The following DGKD variants were observed in gnomAD, a reference collection of about 807,000 sequenced individuals.
DGKD encodes diacylglycerol kinase delta, also known as DAG kinase delta.
In DGKD, 68 loss-of-function variants were observed where a neutral mutation model predicts 154.4. The ratio of observed to expected loss-of-function variants is 0.44; its 90% CI spans 0.36 to 0.54. The LOEUF is 0.54. DGKD is among the 20% of genes least tolerant of loss of function. The pLI is 0.00. For missense variants in DGKD, 1,343 were observed against 1,593.6 expected (o/e 0.84, Z 2.68); for synonymous variants, 693 against 638.0 (o/e 1.09, Z -1.30).
chr2:233,406,797 C>G (rs1188026625), intron 3 of DGKD, among the ~76,000 whole-genome samples: 1 of 152,196 alleles, frequency 6.6e-6, no homozygotes, highest in African/African-American at 2.4e-5. Flanking sequence ...CATGGCACTT[C>G]TGCGGACATC....
chr2:233,463,392 A>ACATCTCCTCACTCCAGG (rs2063719226), intron 26 of DGKD, among the ~76,000 whole-genome samples: 1 of 69,914 alleles, frequency 1.4e-5, no homozygotes, highest in Non-Finnish European at 2.9e-5. Flanking sequence ...CTCACTCCAC[A>ACATCTCCTCACTCCAGG]CATCTCCTCA....
At chr2:233,405,693 C>T (rs935471332) in intron 3 of DGKD, among the ~76,000 whole-genome samples, 9 of 152,126 alleles carry the variant, frequency 5.9e-5, no homozygotes, top group Admixed American at 1.3e-4. Flanking sequence ...CACCAGATGC[C>T]GCACCATGCT....
chr2:233,396,187 C>A (rs1704015444), intron 3 of DGKD, among the ~76,000 whole-genome samples: 1 of 152,172 alleles, frequency 6.6e-6, no homozygotes, highest in Non-Finnish European at 1.5e-5. Context: ...CTCGGAGACT[C>A]AGAGTTGCCT....
chr2:233,462,622 T>C lies in DGKD; in HGVS notation c.3094-21T>C, dbSNP rs1448354077. 2.5e-6 allele frequency: 4 copies of C among 1,609,748 alleles called. No individual in the cohort carries two copies. The Admixed American group carries it at 6.7e-5, about 27-fold the overall frequency. ...ATGTTCGGCCCCCCGCCCCCATGCA[T>C]ATTTGCCTGGTTTCTTCTAGGGGCT... On this transcript the variant is annotated intron_variant, in intron 25 of 29. Coordinates refer to ENST00000264057, the MANE Select transcript of DGKD (RefSeq NM_152879.3).
intron 23 of DGKD, 117 bp from the exon 24 acceptor site, chr2:233,460,077 A>G: frequency 6.7e-7 from 1 of 1,497,070 alleles, no homozygotes; most frequent in South Asian, 1.4e-5. Flanking sequence ...GTTAAAAAAA[A>G]AAAAAAGTCC....
intron 28 of DGKD, among the ~76,000 whole-genome samples, chr2:233,467,946 T>C (rs111588882): frequency 1.3e-5 from 2 of 152,190 alleles, no homozygotes; most frequent in African/African-American, 4.8e-5. Flanking sequence ...AAGTGAAATT[T>C]AACCCTTCTA....
Position 233,457,139 on chromosome 2 carries a change from C to T in DGKD, c.2473-82C>T. Reference sequence around the variant, plus strand: ...CTGGCCACGGCTGTGCTCCTGAGCCCCTGGCGGTGGGAAGCTGGTAGAGAA... The same window carrying T: ...CTGGCCACGGCTGTGCTCCTGAGCCTCTGGCGGTGGGAAGCTGGTAGAGAA... On this transcript the variant is annotated intron_variant, in intron 20 of 29. Transcript: ENST00000264057. The surrounding 1 kb of genome is among the most constrained non-coding windows in gnomAD (Gnocchi z 5.5). 1.5e-6 allele frequency: 2 copies of T among 1,341,208 alleles called. No individual in the cohort carries two copies. The highest frequency in any genetic ancestry group is 1.3e-5 in the South Asian group (1 of 74,122). The allele number at this position is 1,341,208 out of a possible 1,614,324, so 83.1% of individuals were successfully genotyped here. A position where few individuals can be genotyped will look rare whatever the true frequency, so the allele number is the denominator to read the frequency against.
intron 3 of DGKD, among the ~76,000 whole-genome samples, chr2:233,391,768 A>G (rs1414404259): frequency 6.6e-6 from 1 of 152,076 alleles, no homozygotes; most frequent in Non-Finnish European, 1.5e-5. Context: ...TATTTTATTT[A>G]TTGATGGATT....
intron 3 of DGKD, among the ~76,000 whole-genome samples, chr2:233,397,099 G>A (rs1176924358): frequency 2.1e-5 from 3 of 142,090 alleles, no homozygotes; most frequent in Non-Finnish European, 3.1e-5. Flanking sequence ...CACCAGAGGG[G>A]AGCAGGGTGG....
intron 1 of DGKD, among the ~76,000 whole-genome samples, chr2:233,365,653 G>A (rs753611244): frequency 6.6e-6 from 1 of 152,156 alleles, no homozygotes; most frequent in Admixed American, 6.5e-5. Flanking sequence ...TTCACTATAT[G>A]CTGGCCATAA....
Position 233,438,810 on chromosome 2 carries a change from CTA to C in DGKD, c.1085+433_1085+434del, listed in dbSNP as rs1387884318. Among the ~76,000 whole-genome samples, 7 of 139,300 alleles carry C rather than the reference CTA, an allele frequency of 5.0e-5. No homozygotes were observed. In the East Asian group the frequency reaches 1.5e-3, roughly 29 times the overall value. 91.4% of individuals were successfully genotyped at this position (139,300 alleles called of 152,430 possible). A position where few individuals can be genotyped will look rare whatever the true frequency, so the allele number is the denominator to read the frequency against. On this transcript the variant is annotated intron_variant, in intron 9 of 29. Transcript: ENST00000264057. The surrounding 1 kb of genome is among the most constrained non-coding windows in gnomAD (Gnocchi z 4.1). ...TCTATCTATCTATCTATCTATCTAT[CTA>C]TCTGTGGGTGTATTTTCCTGGCGTG...
At chr2:233,382,107 G>A (rs1292930241) in intron 1 of DGKD, among the ~76,000 whole-genome samples, 7 of 152,218 alleles carry the variant, frequency 4.6e-5, no homozygotes, top group Admixed American at 1.3e-4. Flanking sequence ...TGTAGTGCGC[G>A]CCTGTAATCC....
chr2:233,419,000 A>C (rs762534876), intron 3 of DGKD, among the ~76,000 whole-genome samples: 1 of 152,088 alleles, frequency 6.6e-6, no homozygotes, highest in Non-Finnish European at 1.5e-5. Context: ...TTGTCTACGC[A>C]CATCCCAGCT....
At chr2:233,375,707 T>G (rs1702537619) in intron 1 of DGKD, among the ~76,000 whole-genome samples, 1 of 152,120 alleles carries the variant, frequency 6.6e-6, no homozygotes. Context: ...GCGCCCTGTC[T>G]GCACCCCTCT....
Position 233,354,570 on chromosome 2 carries a change from C to T in DGKD, c.52C>T (p.Pro18Ser). ...PPPGPPQPPP[P>S]PPPEESSDSE... ...GCCGGGTCCCCCGCAACCGCCTCCG[C>T]CGCCGCCGCCCGAGGAGTCGTCCGA... Residue 18 changes from proline to serine, a missense_variant, in exon 1 of 30, where the codon CCG (proline) becomes TCG (serine). By Grantham distance (74) the Pro-to-Ser change is moderately conservative. Transcript: ENST00000264057. The surrounding 1 kb of genome is among the most constrained non-coding windows in gnomAD (Gnocchi z 4.8). The T allele has an allele frequency of 9.3e-7, 1 of 1,072,056 alleles. No homozygotes were observed. Among genetic ancestry groups the T allele is most frequent in the Non-Finnish European group, 1.1e-6 (1 of 876,006 alleles). 66.4% of individuals were successfully genotyped at this position (1,072,056 alleles called of 1,614,324 possible).
chr2:233,454,123 G>A lies in DGKD; in HGVS notation c.2265-640G>A, dbSNP rs148147105. On this transcript the variant is annotated intron_variant, in intron 18 of 29. Coordinates refer to ENST00000264057, the MANE Select transcript of DGKD (RefSeq NM_152879.3). ...GCCCAGAGCTGCTGTGTGACCAGCA[G>A]GCGCAGAACTGCCGGGCCATGTGGG... 7.9e-3 allele frequency among the ~76,000 whole-genome samples: 1,211 copies of A among 152,356 alleles called. 7 individuals are homozygous for A. The highest frequency in any genetic ancestry group is 0.011 in the Non-Finnish European group (756 of 68,038).
In DGKD at chr2:233,460,294, A is replaced by C. The variant is rs201690150; in HGVS notation, c.2930A>C (p.Glu977Ala). 16 of 1,613,892 alleles carry C rather than the reference A, an allele frequency of 9.9e-6. No individual in the cohort carries two copies. The East Asian group carries it at 1.3e-4, about 14-fold the overall frequency. The change falls in exon 24 of 30, where the codon GAG becomes GCG. Residue 977 changes from glutamate to alanine, a missense_variant. Transcript: ENST00000264057. ...CACCCGGAGATGCTGTCCGAGGAGGAGGCCACCCAGATGGACCAGTTTGGG... is the reference window on the plus strand; with the variant it reads ...CACCCGGAGATGCTGTCCGAGGAGGCGGCCACCCAGATGGACCAGTTTGGG... ...SLHPEMLSEEEATQMDQFGQA... is the reference protein window; with the variant it reads ...SLHPEMLSEEAATQMDQFGQA...
intron 3 of DGKD, chr2:233,392,341 A>G (rs1362209197): frequency 1.3e-5 from 2 of 152,070 alleles, no homozygotes; most frequent in African/African-American, 4.8e-5. Flanking sequence ...ATTAATTTAG[A>G]TGTTCATTTT....
intron 24 of DGKD, among the ~76,000 whole-genome samples, chr2:233,461,102 C>T (rs555206719): frequency 6.6e-6 from 1 of 152,312 alleles, no homozygotes; most frequent in East Asian, 1.9e-4. Context: ...CTGTGTCCCT[C>T]GTGGCTGGTG....
Sources: allele counts gnomAD v4.1 joint callset (sites outside exome capture counted in the v4.1 genomes callset), GRCh38; gene constraint gnomAD v4.1.1; non-coding constraint Gnocchi (gnomAD v3.1); transcripts MANE v1.5; gene names NCBI Gene and HGNC (gene_info 2026-07-23, HGNC 2026-07-21).